Variants in RNF150 observed in about 807,000 individuals in gnomAD.
The protein encoded by RNF150 is ring finger protein 150.
Under a neutral mutation model 39.3 loss-of-function variants are expected in RNF150, and 24 were observed. The ratio of observed to expected loss-of-function variants is 0.61; its 90% CI spans 0.44 to 0.86. The LOEUF is 0.86. Ranked by LOEUF, RNF150 falls within the 40% of genes least tolerant of loss-of-function variation. The probability of loss-of-function intolerance (pLI) is 0.00; values close to 1 mark genes in which losing one functional copy is unlikely to be tolerated. For missense variants in RNF150, 502 were observed against 587.8 expected, an observed-to-expected ratio of 0.85 and a Z score of 1.51; for synonymous variants, 255 against 227.3, an observed-to-expected ratio of 1.12 and a Z score of -1.10.
intron 6 of RNF150, among the ~76,000 whole-genome samples, chr4:140,889,309 C>G (rs185519877): frequency 9.2e-5 from 14 of 152,310 alleles, no homozygotes; most frequent in African/African-American, 3.4e-4. Context: ...TTTGACACCT[C>G]TATTCTCACA....
chr4:141,212,452 AAAC>A (rs1728482600), intron 1 of RNF150, among the ~76,000 whole-genome samples: 1 of 152,162 alleles, frequency 6.6e-6, no homozygotes, highest in South Asian at 2.1e-4. Flanking sequence ...CCTTCAAATC[AAAC>A]AAACTAAACA....
intron 1 of RNF150, among the ~76,000 whole-genome samples, chr4:141,196,213 T>C (rs4526055): frequency 0.24 from 36,359 of 152,094 alleles, 4,457 homozygotes; most frequent in South Asian, 0.32. Context: ...CTGCAGTTCT[T>C]ACTCTTTCTT....
chr4:140,976,081 GCTTTCC>G (rs1733654221), intron 1 of RNF150, among the ~76,000 whole-genome samples: 3 of 152,168 alleles, frequency 2.0e-5, no homozygotes, highest in Admixed American at 2.0e-4. Context: ...GATTGGTTCG[GCTTTCC>G]TATGAAGACA....
chr4:141,114,284 G>C (rs1368181220), intron 1 of RNF150, among the ~76,000 whole-genome samples: 2 of 152,096 alleles, frequency 1.3e-5, no homozygotes, highest in Admixed American at 1.3e-4. Context: ...AAAAAGAAAA[G>C]AGAGAAGTAT....
At chr4:141,063,604 C>T (rs922864083) in intron 1 of RNF150, among the ~76,000 whole-genome samples, 1 of 152,114 alleles carries the variant, frequency 6.6e-6, no homozygotes, top group African/African-American at 2.4e-5. Context: ...TTCCAGTAGC[C>T]ACCTGGGAAA....
At chr4:141,025,935 G>A (rs1010206829) in intron 1 of RNF150, among the ~76,000 whole-genome samples, 5 of 152,080 alleles carry the variant, frequency 3.3e-5, no homozygotes, top group Non-Finnish European at 7.4e-5. Flanking sequence ...CAATGATTAG[G>A]TCACAAGAGT....
At chr4:140,973,529 C>T (rs1186874196) in intron 1 of RNF150, among the ~76,000 whole-genome samples, 1 of 144,876 alleles carries the variant, frequency 6.9e-6, no homozygotes, top group Non-Finnish European at 1.5e-5. Flanking sequence ...TTTCTTATAC[C>T]CCTCTCATTT....
intron 1 of RNF150, among the ~76,000 whole-genome samples, chr4:140,978,534 A>G (rs1347284961): frequency 6.6e-6 from 1 of 152,140 alleles, no homozygotes; most frequent in East Asian, 1.9e-4. Context: ...ATTTGTGGTA[A>G]CTGTAGGGTG....
intron 1 of RNF150, among the ~76,000 whole-genome samples, chr4:141,067,665 A>G (rs986248934): frequency 6.6e-6 from 1 of 152,118 alleles, no homozygotes; most frequent in African/African-American, 2.4e-5. Context: ...AATCAATACC[A>G]CCTCATAATT....
rs79801866 is a variant in RNF150 at position 141,097,161 on chromosome 4, T to A, written c.484+35164A>T. Among the ~76,000 whole-genome samples, 367 of 151,526 alleles carry A rather than the reference T, an allele frequency of 2.4e-3. 1 individual carries two copies. The highest frequency in any genetic ancestry group is 8.5e-3 in the African/African-American group (353 of 41,386). On this transcript the variant is annotated intron_variant, in intron 1 of 6. Coordinates refer to ENST00000515673, the MANE Select transcript of RNF150 (RefSeq NM_020724.2). The stretch of plus-strand genomic sequence containing the variant: ...TCTGCAGACCTGTGTTGTTTGGGAT[T>A]TTTTTTTTACTTCTGCCCAAACAGA...
Position 141,106,562 on chromosome 4 carries a change from G to A in RNF150, c.484+25763C>T, listed in dbSNP as rs575999395. On this transcript the variant is annotated intron_variant, in intron 1 of 6. Transcript: ENST00000515673. Reference sequence around the variant, plus strand: ...AATACCAGCACTTTGGGAGGCCGAGGCAGGTGGATCACCTGAGGTTGGGAA... The same window carrying A: ...AATACCAGCACTTTGGGAGGCCGAGACAGGTGGATCACCTGAGGTTGGGAA... 2.1e-3 allele frequency among the ~76,000 whole-genome samples: 323 copies of A among 152,226 alleles called. 1 individual carries two copies. The highest frequency in any genetic ancestry group is 3.6e-3 in the Non-Finnish European group (246 of 68,010).
At chr4:140,883,819 T>A (rs1430419543) in intron 6 of RNF150, among the ~76,000 whole-genome samples, 1 of 152,204 alleles carries the variant, frequency 6.6e-6, no homozygotes, top group East Asian at 1.9e-4. Context: ...GATGTTCATA[T>A]CTTTCCTTAG....
In RNF150 at chr4:141,094,539, G is replaced by A. The variant is rs144706816; in HGVS notation, c.484+37786C>T. ...AACATATTCTTATTTTGTTGTTACC[G>A]TGGTAGTGGATTTGTTTTTTAATAC... On this transcript the variant is annotated intron_variant, in intron 1 of 6. Transcript: ENST00000515673. Among the ~76,000 whole-genome samples, 1,287 of 152,344 alleles carry A rather than the reference G, an allele frequency of 8.4e-3. 8 individuals carry two copies. Among genetic ancestry groups the A allele is most frequent in the Non-Finnish European group, 0.013 (910 of 68,040 alleles).
chr4:141,132,770 A>G lies in RNF150; in HGVS notation c.39T>C (p.Ala13=). ...AAAAGGAAAGCAGCCATGTTGAGAG[A>G]GCCAGACTGCAGCACGCTTGGATGA... The part of the protein sequence containing the change: ...MSLIQACCSL[A]LSTWLLSFCF... Residue 13 remains alanine, a synonymous_variant, in exon 1 of 7, where the codon GCT becomes GCC. Coordinates refer to ENST00000515673, the MANE Select transcript of RNF150 (RefSeq NM_020724.2). The surrounding 1 kb of genome is among the most constrained non-coding windows in gnomAD (Gnocchi z 4.9). The G allele has an allele frequency of 6.2e-7, 1 of 1,609,964 alleles. No individual in the cohort carries two copies. The highest frequency in any genetic ancestry group is 1.7e-5 in the Admixed American group (1 of 59,908).
chr4:141,060,869 C>T (rs1393016562), intron 1 of RNF150, among the ~76,000 whole-genome samples: 2 of 152,148 alleles, frequency 1.3e-5, no homozygotes, highest in Admixed American at 6.5e-5. Flanking sequence ...AACCATCATT[C>T]TAAGCAAACA....
chr4:141,104,315 G>T (rs549461281), intron 1 of RNF150, among the ~76,000 whole-genome samples: 1 of 152,122 alleles, frequency 6.6e-6, no homozygotes, highest in East Asian at 1.9e-4. Flanking sequence ...AGCCATCTTC[G>T]CAATTGCTTA....
At chr4:141,200,869 T>C (rs1162721282) in intron 1 of RNF150, among the ~76,000 whole-genome samples, 7 of 152,202 alleles carry the variant, frequency 4.6e-5, no homozygotes, top group African/African-American at 1.7e-4. Flanking sequence ...TCAAATAAGT[T>C]GAAAAAAGTA....
intron 1 of RNF150, among the ~76,000 whole-genome samples, chr4:141,076,083 T>C (rs1442962210): frequency 6.6e-6 from 1 of 152,210 alleles, no homozygotes; most frequent in Non-Finnish European, 1.5e-5. Flanking sequence ...ACATTACATA[T>C]CTTTTATAAC....
chr4:141,072,833 C>T (rs1737756551), intron 1 of RNF150, among the ~76,000 whole-genome samples: 1 of 152,074 alleles, frequency 6.6e-6, no homozygotes, highest in Non-Finnish European at 1.5e-5. Context: ...AGCTAAATCA[C>T]CTCCCAGAAT....
Sources: allele counts gnomAD v4.1 joint callset (sites outside exome capture counted in the v4.1 genomes callset), GRCh38; gene constraint gnomAD v4.1.1; non-coding constraint Gnocchi (gnomAD v3.1); transcripts MANE v1.5; gene names NCBI Gene and HGNC (gene_info 2026-07-23, HGNC 2026-07-21).